RORA: variants seen among roughly 807,000 people sequenced by gnomAD.
The protein encoded by RORA is RAR related orphan receptor A.
In RORA, 7 loss-of-function variants were observed where a neutral mutation model predicts 69.5. That is an observed-to-expected ratio of 0.10 (90% CI 0.06 to 0.19). The LOEUF is 0.19. RORA is among the 10% of genes least tolerant of loss of function. The pLI is 1.00. For missense variants in RORA, 457 were observed against 663.0 expected (o/e 0.69, Z 3.41); for synonymous variants, 261 against 240.8 (o/e 1.08, Z -0.78).
chr15:61,116,661 A>G (rs708683), intron 1 of RORA, among the ~76,000 whole-genome samples: 69,902 of 152,010 alleles, frequency 0.46, 17,157 homozygotes, highest in East Asian at 0.64. Context: ...AAGACTGAAA[A>G]CATTGACGAG....
At chr15:60,505,360 A>C (rs956141532) in intron 6 of RORA, 148 bp downstream of exon 6, 5 of 804,584 alleles carry the variant, frequency 6.2e-6, no homozygotes, top group Non-Finnish European at 9.9e-6. Context: ...AGCCTCAAGT[A>C]CATTAGTAGC....
rs2078186390 is a variant in RORA, at chr15:61,061,508, T to G, written c.166+167545A>C. Among the ~76,000 whole-genome samples, 1 of 152,106 alleles carries G rather than the reference T, an allele frequency of 6.6e-6. No homozygotes were observed. ...TGAGCAGGGGCTTGGTAGGCCAGGA[T>G]AGACAAACTTCTGACCTCGCCCCTC... On this transcript the variant is annotated intron_variant, in intron 1 of 10. Transcript: ENST00000335670. The surrounding 1 kb of genome is among the most constrained non-coding windows in gnomAD (Gnocchi z 4.4).
chr15:61,206,551 T>C (rs2079943426), intron 1 of RORA, among the ~76,000 whole-genome samples: 2 of 152,130 alleles, frequency 1.3e-5, no homozygotes, highest in Non-Finnish European at 2.9e-5. Flanking sequence ...TACCATAATA[T>C]AGGCCCAAAT....
chr15:60,627,453 C>A, intron 2 of RORA: 1 of 1,586,882 alleles, frequency 6.3e-7, no homozygotes, highest in Non-Finnish European at 8.6e-7. Flanking sequence ...CCAAGGTGAT[C>A]AGACAGATGG....
intron 1 of RORA, among the ~76,000 whole-genome samples, chr15:60,774,226 T>C (rs1291149686): frequency 6.6e-6 from 1 of 152,204 alleles, no homozygotes; most frequent in Non-Finnish European, 1.5e-5. Context: ...TCTGAATGGG[T>C]TGGCTTTTGT....
At chr15:60,763,398 G>GA (rs1567182165) in intron 1 of RORA, among the ~76,000 whole-genome samples, 1 of 152,026 alleles carries the variant, frequency 6.6e-6, no homozygotes, top group Admixed American at 6.6e-5. Context: ...TCTCATGCAA[G>GA]AAAAAAAGTT....
intron 1 of RORA, among the ~76,000 whole-genome samples, chr15:60,772,461 C>T (rs1311407218): frequency 1.3e-5 from 2 of 152,112 alleles, no homozygotes; most frequent in African/African-American, 2.4e-5. Context: ...GGGAAAAATA[C>T]CACAGAGTAA....
At chr15:60,819,914 C>G (rs1230512713) in intron 1 of RORA, among the ~76,000 whole-genome samples, 4 of 152,176 alleles carry the variant, frequency 2.6e-5, no homozygotes, top group Non-Finnish European at 5.9e-5. Flanking sequence ...TGTTCTGAAC[C>G]GATCCTGCCT....
chr15:60,678,795 G>A (rs2070594420), intron 1 of RORA, 109 bp from the exon 2 acceptor site: 2 of 883,284 alleles, frequency 2.3e-6, no homozygotes, highest in Non-Finnish European at 3.8e-6. Context: ...AGATGGGGAA[G>A]TGGAAGCAAG....
intron 2 of RORA, chr15:60,614,785 A>T: frequency 1.2e-6 from 1 of 816,436 alleles, no homozygotes; most frequent in Non-Finnish European, 1.9e-6. Flanking sequence ...TAATATTTAT[A>T]GTAATCATAA....
chr15:60,708,765 G>C (rs1245240008), intron 1 of RORA, among the ~76,000 whole-genome samples: 1 of 152,192 alleles, frequency 6.6e-6, no homozygotes. Flanking sequence ...TATTCAGTTA[G>C]AATTATTTAT....
intron 2 of RORA, among the ~76,000 whole-genome samples, chr15:60,610,224 T>TAC (rs2069053947): frequency 1.9e-5 from 2 of 104,920 alleles, no homozygotes; most frequent in East Asian, 7.6e-4. Flanking sequence ...ACACACACAC[T>TAC]ACACACACAC....
Position 61,128,185 on chromosome 15 carries a change from CTGTG to C in RORA, c.166+100864_166+100867del, listed in dbSNP as rs1037158916. 6.8e-6 allele frequency among the ~76,000 whole-genome samples: 1 copy of C among 147,754 alleles called. No individual in the cohort carries two copies. Among genetic ancestry groups the C allele is most frequent in the Non-Finnish European group, 1.5e-5 (1 of 66,424 alleles). On this transcript the variant is annotated intron_variant, in intron 1 of 10. Transcript: ENST00000335670. This position sits in a 1 kb window ranked among gnomAD's most constrained non-coding sequence, Gnocchi z 4.5. ...GTATATTTTCCCTATATCATAATTG[CTGTG>C]TGTGTGTATGCACACGTGTGTGTGT...
chr15:60,819,767 A>ACACACACACACACGCGCG (rs1555455766), intron 1 of RORA, among the ~76,000 whole-genome samples: 1 of 147,532 alleles, frequency 6.8e-6, no homozygotes, highest in African/African-American at 2.5e-5. Flanking sequence ...ACACACACAC[A>ACACACACACACACGCGCG]CACACACACA....
intron 1 of RORA, among the ~76,000 whole-genome samples, chr15:60,996,226 A>C (rs1894530466): frequency 6.6e-6 from 1 of 152,106 alleles, no homozygotes; most frequent in Admixed American, 6.5e-5. Context: ...ATGTGGCACC[A>C]TGCCCAGCTA....
chr15:60,568,944 T>TAAAAAA (rs34688193), intron 2 of RORA, among the ~76,000 whole-genome samples: 1 of 137,488 alleles, frequency 7.3e-6, no homozygotes, highest in Non-Finnish European at 1.6e-5. Context: ...GGTTTTGCGC[T>TAAAAAA]AAAAAAAAAA....
intron 1 of RORA, among the ~76,000 whole-genome samples, chr15:60,793,026 AAG>A (rs1274834515): frequency 9.3e-5 from 14 of 151,230 alleles, no homozygotes; most frequent in Admixed American, 2.0e-4. Context: ...ACTCCCTCAA[AAG>A]AGAGAGAGAG....
At chr15:60,967,758 G>C (rs1893596879) in intron 1 of RORA, among the ~76,000 whole-genome samples, 1 of 152,234 alleles carries the variant, frequency 6.6e-6, no homozygotes, top group Non-Finnish European at 1.5e-5. Context: ...AGGCAGATCA[G>C]TAAGTCAGGA....
At chr15:61,127,944 C>A (rs1418746601) in intron 1 of RORA, among the ~76,000 whole-genome samples, 1 of 152,106 alleles carries the variant, frequency 6.6e-6, no homozygotes, top group Non-Finnish European at 1.5e-5. Context: ...ACTATGAGGC[C>A]ACACTGTATG....
Sources: gnomAD v4.1 joint callset for allele counts (sites outside exome capture counted in the v4.1 genomes callset) on GRCh38, gnomAD v4.1.1 for gene constraint, Gnocchi (gnomAD v3.1) non-coding constraint, MANE v1.5 for transcripts, NCBI Gene and HGNC (gene_info 2026-07-23, HGNC 2026-07-21) for gene names.